The following GPHN variants were observed in gnomAD, a reference collection of about 807,000 sequenced individuals.
The protein encoded by GPHN is gephyrin.
GPHN carries 17 observed loss-of-function variants against 95.5 expected under a neutral mutation model. The ratio of observed to expected loss-of-function variants is 0.18; its 90% CI spans 0.12 to 0.27. The LOEUF (loss-of-function observed/expected upper bound fraction) is 0.27. Among genes scored for constraint, GPHN ranks in the 10% least tolerant of loss-of-function variants. The pLI, the probability that GPHN is intolerant of heterozygous loss-of-function variation, is 1.00. For missense variants in GPHN, 660 were observed against 978.1 expected (o/e 0.67, Z 4.34); for synonymous variants, 320 against 322.5 (o/e 0.99, Z 0.08).
chr14:67,224,751 T>A, the GPHN span: 1 of 259,662 alleles, frequency 3.9e-6, no homozygotes, highest in South Asian at 3.8e-5. Context: ...ACATAAAATA[T>A]TGGGAGTTTC....
intron 2 of GPHN, among the ~76,000 whole-genome samples, chr14:66,716,323 C>T (rs1326786048): frequency 6.6e-6 from 1 of 152,156 alleles, no homozygotes; most frequent in Non-Finnish European, 1.5e-5. Flanking sequence ...AATAGCTACT[C>T]CTGCTGGCTT....
At chr14:67,227,501 C>A in the GPHN span, 1 of 149,506 alleles carries the variant, frequency 6.7e-6, no homozygotes, top group Non-Finnish European at 1.5e-5. Context: ...TTTTGAATTG[C>A]TGATATATGG....
chr14:67,014,096 G>A (rs191870398), intron 9 of GPHN, among the ~76,000 whole-genome samples: 393 of 150,810 alleles, frequency 2.6e-3, no homozygotes, highest in African/African-American at 7.7e-3. Context: ...TCACACACAC[G>A]CAAAACAAAA....
the GPHN span, among the ~76,000 whole-genome samples, chr14:67,701,425 CTTTTT>C: frequency 1.4e-5 from 1 of 71,146 alleles, no homozygotes; most frequent in African/African-American, 4.8e-5. Context: ...ATTATAATTT[CTTTTT>C]TTTTTTTTTT....
the GPHN span, chr14:67,648,145 G>A: frequency 6.2e-7 from 1 of 1,613,874 alleles, no homozygotes; most frequent in African/African-American, 1.3e-5. Flanking sequence ...CTAACCTATC[G>A]AGAAGGCATG....
At chr14:66,544,944 A>T (rs28488424) in intron 1 of GPHN, among the ~76,000 whole-genome samples, 49,673 of 151,804 alleles carry the variant, frequency 0.33, 11,954 homozygotes, top group African/African-American at 0.65. Context: ...GCAGAAGAAT[A>T]TTTCTTAGTA....
chr14:66,816,511 C>G (rs2874001), intron 3 of GPHN, among the ~76,000 whole-genome samples: 2,380 of 152,164 alleles, frequency 0.016, 34 homozygotes, highest in Non-Finnish European at 0.018. Flanking sequence ...ACTCACAACT[C>G]TACAATTACA....
chr14:67,492,595 G>A, the GPHN span, among the ~76,000 whole-genome samples: 1 of 152,178 alleles, frequency 6.6e-6, no homozygotes, highest in South Asian at 2.1e-4. Flanking sequence ...CCCCTTTGTT[G>A]CCTCACCAGG....
At chr14:66,742,384 T>C (rs1031285977) in intron 2 of GPHN, among the ~76,000 whole-genome samples, 5 of 152,242 alleles carry the variant, frequency 3.3e-5, no homozygotes, top group African/African-American at 9.6e-5. Flanking sequence ...TGGATAATTA[T>C]GCACATTCCT....
the GPHN span, among the ~76,000 whole-genome samples, chr14:67,418,682 A>G: frequency 6.6e-6 from 1 of 152,084 alleles, no homozygotes; most frequent in Admixed American, 6.5e-5. Context: ...TCTGGGGTGG[A>G]GTGAGGGGGT....
At chr14:66,747,374 G>A (rs1253607477) in intron 2 of GPHN, among the ~76,000 whole-genome samples, 1 of 152,032 alleles carries the variant, frequency 6.6e-6, no homozygotes, top group Non-Finnish European at 1.5e-5. Flanking sequence ...TAAACATCAG[G>A]TATTTTTGTT....
At chr14:67,090,322 C>T (rs1484492198) in intron 12 of GPHN, among the ~76,000 whole-genome samples, 1 of 151,888 alleles carries the variant, frequency 6.6e-6, no homozygotes, top group African/African-American at 2.4e-5. Flanking sequence ...TGAAGTACTC[C>T]AAAATCTGAA....
At chr14:67,338,869 AAAC>A in the GPHN span, 1 of 896,288 alleles carries the variant, frequency 1.1e-6, no homozygotes, top group Non-Finnish European at 1.6e-6. Flanking sequence ...ACCTAGAAAA[AAAC>A]CTGGTACTTT....
chr14:67,368,860 A>C, the GPHN span, among the ~76,000 whole-genome samples: 1 of 152,228 alleles, frequency 6.6e-6, no homozygotes, highest in Non-Finnish European at 1.5e-5. Flanking sequence ...ATCTCTAGAA[A>C]TAAGTAAGTA....
intron 1 of GPHN, among the ~76,000 whole-genome samples, chr14:66,585,494 T>A (rs1460847041): frequency 6.6e-6 from 1 of 152,228 alleles, no homozygotes; most frequent in Non-Finnish European, 1.5e-5. Flanking sequence ...GTGTCAATTT[T>A]AGATCTTTCC....
intron 2 of GPHN, among the ~76,000 whole-genome samples, chr14:66,763,039 A>T (rs2058817762): frequency 6.6e-6 from 1 of 152,184 alleles, no homozygotes; most frequent in South Asian, 2.1e-4. Flanking sequence ...GGCTAAAGGC[A>T]AATAGTAATA....
At chr14:66,792,571 T>A (rs899372144) in intron 3 of GPHN, among the ~76,000 whole-genome samples, 2 of 151,134 alleles carry the variant, frequency 1.3e-5, no homozygotes, top group Non-Finnish European at 2.9e-5. Context: ...AATAAAAAAG[T>A]TTGTTGTCAG....
the GPHN span, chr14:67,569,095 G>T: frequency 3.7e-6 from 5 of 1,346,960 alleles, no homozygotes; most frequent in Non-Finnish European, 5.3e-6. Context: ...GGTGGGATGG[G>T]CATCATGCCG....
intron 2 of GPHN, among the ~76,000 whole-genome samples, chr14:66,689,606 A>G (rs28759487): frequency 0.31 from 47,162 of 151,868 alleles, 11,104 homozygotes; most frequent in African/African-American, 0.63. Context: ...AATTTTCTGG[A>G]AGTTTTAGAC....
Sources: allele counts gnomAD v4.1 joint callset (sites outside exome capture counted in the v4.1 genomes callset), GRCh38; gene constraint gnomAD v4.1.1; transcripts MANE v1.5; gene names NCBI Gene and HGNC (gene_info 2026-07-23, HGNC 2026-07-21).